Variants in SPIRE2 observed in about 807,000 individuals in gnomAD.
The protein encoded by SPIRE2 is protein spire homolog 2.
SPIRE2 carries 76 observed loss-of-function variants against 80.7 expected under a neutral mutation model. The ratio of observed to expected loss-of-function variants is 0.94; its 90% CI spans 0.78 to 1.14. The LOEUF (loss-of-function observed/expected upper bound fraction) is 1.14. Among genes scored for constraint, SPIRE2 ranks in the 50% most tolerant of loss-of-function variants. The pLI is 0.00. For missense variants in SPIRE2, 1,196 were observed against 1,015.3 expected (o/e 1.18, Z -2.42); for synonymous variants, 535 against 432.6 (o/e 1.24, Z -2.94).
chr16:89,861,595 CAAAT>C (rs577593055), intron 10 of SPIRE2, among the ~76,000 whole-genome samples: 327 of 152,332 alleles, frequency 2.1e-3, no homozygotes, highest in African/African-American at 6.9e-3. Context: ...CTTAAAATAA[CAAAT>C]ATATATTATC....
chr16:89,850,663 G>A lies in SPIRE2; in HGVS notation c.645+3G>A, dbSNP rs1239812173. 4.1e-6 allele frequency: 6 copies of A among 1,478,578 alleles called. No homozygotes were observed. In the African/African-American group the frequency reaches 7.1e-5, roughly 18 times the overall value. The allele number at this position is 1,478,578 out of a possible 1,614,324, so 91.6% of individuals were successfully genotyped here. A position where few individuals can be genotyped will look rare whatever the true frequency, so the allele number is the denominator to read the frequency against. ...CCAGGGTCCGGGAGGCCAAGGAGGTGAGCGGTGGGTGGGGGCGACCGTGGA... is the reference window on the plus strand; with the variant it reads ...CCAGGGTCCGGGAGGCCAAGGAGGTAAGCGGTGGGTGGGGGCGACCGTGGA... On this transcript the variant is annotated splice_donor_region_variant and intron_variant, in intron 3 of 14. Coordinates refer to ENST00000378247, the MANE Select transcript of SPIRE2 (RefSeq NM_032451.2).
intron 3 of SPIRE2, among the ~76,000 whole-genome samples, chr16:89,853,141 G>T (rs1158983157): frequency 6.6e-6 from 1 of 152,144 alleles, no homozygotes; most frequent in Non-Finnish European, 1.5e-5. Flanking sequence ...GCTGTTTTCT[G>T]CTGCTCAGAT....
rs1431999860 is a variant in SPIRE2 at position 89,856,178 on chromosome 16, G to A, written c.1044G>A (p.Glu348=). 8 of 1,609,084 alleles carry A rather than the reference G, an allele frequency of 5.0e-6. No homozygotes were observed. Among genetic ancestry groups the A allele is most frequent in the Non-Finnish European group, 6.8e-6 (8 of 1,178,440 alleles). Residue 348 remains glutamate (E), a synonymous_variant, in exon 7 of 15, where the codon GAG becomes GAA. Transcript: ENST00000378247. ...GGTCCCTGCATGAGAAGATCCTGGA[G>A]GAGATCAAGCAGGAGCGGAGGCTGC... ...KQRSLHEKIL[E]EIKQERRLRP...
intron 14 of SPIRE2, 40 bp downstream of exon 14, chr16:89,869,722 C>T (rs201307216): frequency 1.8e-5 from 27 of 1,523,948 alleles, no homozygotes; most frequent in African/African-American, 1.2e-4. Context: ...CTGTGGTGGT[C>T]GGGCGTGAAG....
chr16:89,838,140 C>T (rs940371753), intron 1 of SPIRE2, among the ~76,000 whole-genome samples: 2 of 150,652 alleles, frequency 1.3e-5, no homozygotes, highest in Non-Finnish European at 2.9e-5. Flanking sequence ...ACTGGGACCA[C>T]AGGCACACAC....
intron 1 of SPIRE2, among the ~76,000 whole-genome samples, chr16:89,838,636 G>T (rs924768780): frequency 9.2e-5 from 14 of 152,176 alleles, no homozygotes; most frequent in African/African-American, 3.1e-4. Context: ...TGAATTCTAA[G>T]ACTGACTTGG....
At position 89,868,200 on chromosome 16, in the gene SPIRE2, C is replaced by T; in HGVS notation, c.1790C>T (p.Thr597Ile). ...CTGTTCCCTTCCAGAGCCGTCTGCA[C>T]TTCCTGTAGCATAAAGGTGAGGACC... ...SCLFCKRAVC[T>I]SCSIKMKMPS... The change falls in exon 13 of 15, where the codon ACT becomes ATT. Residue 597 changes from threonine (T) to isoleucine (I), a missense_variant. Transcript: ENST00000378247. 1.2e-6 allele frequency: 2 copies of T among 1,614,096 alleles called. No individual in the cohort carries two copies. Among genetic ancestry groups the T allele is most frequent in the Non-Finnish European group, 8.5e-7 (1 of 1,179,980 alleles).
At chr16:89,830,784 G>A (rs976875086) in intron 1 of SPIRE2, among the ~76,000 whole-genome samples, 1 of 150,788 alleles carries the variant, frequency 6.6e-6, no homozygotes, top group African/African-American at 2.4e-5. Context: ...TACTTAGGAG[G>A]ATGAATAATA....
At chr16:89,829,144 G>T (rs879758522) in intron 1 of SPIRE2, among the ~76,000 whole-genome samples, 1 of 152,104 alleles carries the variant, frequency 6.6e-6, no homozygotes, top group Non-Finnish European at 1.5e-5. Flanking sequence ...GCTGGCCTTT[G>T]CTGGGGCGAC....
intron 10 of SPIRE2, among the ~76,000 whole-genome samples, chr16:89,861,237 C>G (rs566150740): frequency 2.0e-5 from 3 of 152,298 alleles, no homozygotes; most frequent in East Asian, 3.9e-4. Context: ...TTGCTGACAT[C>G]TTGAGGCCCA....
Position 89,828,746 on chromosome 16 carries a change from C to T in SPIRE2, c.196C>T (p.Leu66=). The T allele has an allele frequency of 1.6e-6, 2 of 1,219,432 alleles. No homozygotes were observed. Among genetic ancestry groups the T allele is most frequent in the African/African-American group, 3.1e-5 (2 of 63,882 alleles). 75.5% of individuals were successfully genotyped at this position (1,219,432 alleles called of 1,614,324 possible). A position where few individuals can be genotyped will look rare whatever the true frequency, so the allele number is the denominator to read the frequency against. ...GCGCCTGCGGGATACCGGGGACCTC[C>T]TGCTGCGCGGGGACGGCTCGGTCGG... ...GRRLRDTGDL[L]LRGDGSVGAR... Residue 66 remains leucine, a synonymous_variant, in exon 1 of 15, where the codon CTG becomes TTG. Transcript: ENST00000378247. The surrounding 1 kb of genome is among the most constrained non-coding windows in gnomAD (Gnocchi z 5.9).
intron 1 of SPIRE2, among the ~76,000 whole-genome samples, chr16:89,829,358 A>G (rs1051166511): frequency 2.0e-5 from 3 of 152,238 alleles, no homozygotes; most frequent in African/African-American, 7.2e-5. Context: ...AGAACCAACA[A>G]TTAAGCCCTA....
At chr16:89,845,978 G>T in intron 2 of SPIRE2, 2 of 232,038 alleles carry the variant, frequency 8.6e-6, no homozygotes, top group South Asian at 9.4e-5. Flanking sequence ...CTTACTGCAA[G>T]CTCCGCCTCC....
At position 89,839,246 on chromosome 16, in the gene SPIRE2, C is replaced by T. The variant is rs892061521; in HGVS notation, c.245-6076C>T. ...AAAATTAGCTGGGCGTGGTGGCGGG[C>T]GCCTGTAGTCCCATCTACTTAGGAG... is the stretch of plus-strand genomic sequence containing the variant. On this transcript the variant is annotated intron_variant, in intron 1 of 14. Coordinates refer to ENST00000378247, the MANE Select transcript of SPIRE2 (RefSeq NM_032451.2). Among the ~76,000 whole-genome samples, 6 of 151,916 alleles carry T rather than the reference C, an allele frequency of 3.9e-5. No individual in the cohort carries two copies. In the East Asian group the frequency reaches 7.8e-4, roughly 20 times the overall value.
intron 1 of SPIRE2, among the ~76,000 whole-genome samples, chr16:89,834,129 C>T (rs142081511): frequency 0.011 from 1,667 of 150,914 alleles, 10 homozygotes; most frequent in African/African-American, 0.038. Flanking sequence ...AAGCATAGCC[C>T]GTGTGAATCT....
Position 89,870,400 on chromosome 16 carries a change from A to G in SPIRE2, c.*128A>G, listed in dbSNP as rs1314901900. 1.8e-5 allele frequency: 11 copies of G among 618,028 alleles called. No individual in the cohort carries two copies. Among genetic ancestry groups the G allele is most frequent in the East Asian group, 1.1e-4 (4 of 35,844 alleles). 38.3% of individuals were successfully genotyped at this position (618,028 alleles called of 1,614,324 possible). A position where few individuals can be genotyped will look rare whatever the true frequency, so the allele number is the denominator to read the frequency against. On this transcript the variant is annotated 3_prime_UTR_variant, in exon 15 of 15. Transcript: ENST00000378247. ...TATAATATATACACACAGTCTATAT[A>G]TTTATATACACTGTTTCCTGGCCCC... is the stretch of plus-strand genomic sequence containing the variant.
At chr16:89,835,699 C>T (rs368071970) in intron 1 of SPIRE2, among the ~76,000 whole-genome samples, 5 of 152,100 alleles carry the variant, frequency 3.3e-5, no homozygotes, top group Admixed American at 2.0e-4. Context: ...AGGAGGAAGG[C>T]GGGCTGGAAA....
chr16:89,849,253 C>A (rs538327123), intron 2 of SPIRE2, among the ~76,000 whole-genome samples: 1 of 152,234 alleles, frequency 6.6e-6, no homozygotes, highest in Non-Finnish European at 1.5e-5. Flanking sequence ...CATGGCCCCC[C>A]ACCCTGGCAG....
At chr16:89,832,806 AG>A (rs2041399217) in intron 1 of SPIRE2, among the ~76,000 whole-genome samples, 1 of 149,382 alleles carries the variant, frequency 6.7e-6, no homozygotes, top group Admixed American at 6.6e-5. Flanking sequence ...CCTCTGATGA[AG>A]GGCCCTGTTT....
Sources: gnomAD v4.1 joint callset for allele counts (sites outside exome capture counted in the v4.1 genomes callset) on GRCh38, gnomAD v4.1.1 for gene constraint, Gnocchi (gnomAD v3.1) non-coding constraint, MANE v1.5 for transcripts, NCBI Gene and HGNC (gene_info 2026-07-23, HGNC 2026-07-21) for gene names.